The following SPAST variants were observed in gnomAD, a reference collection of about 807,000 sequenced individuals.
The protein encoded by SPAST is spastin.
A neutral mutation model predicts 76.6 loss-of-function variants in SPAST; 30 were observed. The ratio of observed to expected loss-of-function variants is 0.39; its 90% CI spans 0.29 to 0.53. The LOEUF (loss-of-function observed/expected upper bound fraction) is 0.53, where lower values mean the gene tolerates loss of function less well. Ranked by LOEUF, SPAST falls within the 20% of genes least tolerant of loss-of-function variation. The pLI, the probability that SPAST is intolerant of heterozygous loss-of-function variation, is 0.68. For missense variants in SPAST, 717 were observed against 770.5 expected, an observed-to-expected ratio of 0.93 and a Z score of 0.82; for synonymous variants, 305 against 281.0, an observed-to-expected ratio of 1.09 and a Z score of -0.86.
chr2:32,077,165 C>T (rs760511374), intron 1 of SPAST, among the ~76,000 whole-genome samples: 3 of 152,120 alleles, frequency 2.0e-5, no homozygotes, highest in Non-Finnish European at 2.9e-5. Context: ...TGAGCCACCG[C>T]GCCCGGCTTT....
In SPAST at chr2:32,127,117, G is replaced by A. The variant is rs545850956; in HGVS notation, c.1173+95G>A. 8.7e-5 allele frequency: 76 copies of A among 869,356 alleles called. No homozygotes were observed. The East Asian group carries it at 9.9e-4, about 11-fold the overall frequency. The allele number at this position is 869,356 out of a possible 1,614,324, so 53.9% of individuals were successfully genotyped here. On this transcript the variant is annotated intron_variant, in intron 8 of 16. Transcript: ENST00000315285. ...TCTTGTCCTTGAGTCTATTATTTAC[G>A]ACTTGCTTTTTGCTATTGTACACTT...
intron 15 of SPAST, among the ~76,000 whole-genome samples, chr2:32,147,016 C>A (rs928813892): frequency 6.6e-6 from 1 of 151,948 alleles, no homozygotes; most frequent in African/African-American, 2.4e-5. Flanking sequence ...TGAACACTTT[C>A]CAGTTATTCC....
intron 16 of SPAST, 131 bp from the exon 17 acceptor site, chr2:32,154,243 T>A: frequency 1.3e-6 from 1 of 755,462 alleles, no homozygotes; most frequent in Non-Finnish European, 2.2e-6. Flanking sequence ...GACATAATTT[T>A]CTAAGAATAC....
chr2:32,116,953 C>T (rs374711308), intron 7 of SPAST, among the ~76,000 whole-genome samples: 1 of 151,746 alleles, frequency 6.6e-6, no homozygotes, highest in Non-Finnish European at 1.5e-5. Flanking sequence ...GGTGACAGAG[C>T]GAGATGTCAT....
chr2:32,143,249 A>G, intron 13 of SPAST, 87 bp from the exon 14 acceptor site: 1 of 806,056 alleles, frequency 1.2e-6, no homozygotes. Context: ...CCTGGGTAAC[A>G]GCACAAGACC....
intron 7 of SPAST, among the ~76,000 whole-genome samples, chr2:32,121,310 G>A (rs1001176380): frequency 8.7e-5 from 13 of 149,956 alleles, no homozygotes; most frequent in Non-Finnish European, 1.3e-4. Flanking sequence ...CTGCCACCAC[G>A]CCCAGCTAAT....
chr2:32,105,640 G>A (rs915184913), intron 4 of SPAST, among the ~76,000 whole-genome samples: 4 of 152,094 alleles, frequency 2.6e-5, no homozygotes, highest in Non-Finnish European at 5.9e-5. Flanking sequence ...TGGGGTTTTG[G>A]TGTGGATGTC....
intron 4 of SPAST, among the ~76,000 whole-genome samples, chr2:32,099,692 A>C (rs1355292354): frequency 6.6e-6 from 1 of 152,104 alleles, no homozygotes; most frequent in African/African-American, 2.4e-5. Flanking sequence ...TCCTTCTAGC[A>C]TTTGAAATGA....
At chr2:32,071,681 C>G (rs989216556) in intron 1 of SPAST, among the ~76,000 whole-genome samples, 6 of 152,094 alleles carry the variant, frequency 3.9e-5, no homozygotes, top group African/African-American at 1.4e-4. Flanking sequence ...GCTTCCAGGT[C>G]GTAGGCAGAT....
intron 1 of SPAST, among the ~76,000 whole-genome samples, chr2:32,078,563 T>G (rs752507622): frequency 2.6e-5 from 4 of 152,144 alleles, no homozygotes; most frequent in Non-Finnish European, 5.9e-5. Context: ...AGTGAAAGGA[T>G]TGCTTGAGCC....
chr2:32,153,430 T>G (rs1015249152), intron 16 of SPAST, among the ~76,000 whole-genome samples: 9 of 151,536 alleles, frequency 5.9e-5, no homozygotes, highest in African/African-American at 2.2e-4. Context: ...TTCAAGCGAT[T>G]CTCCTGCCTC....
At position 32,156,713 on chromosome 2, in the gene SPAST, G is replaced by A. The variant is rs1680266219; in HGVS notation, c.*2217G>A. 6.6e-6 allele frequency: 1 copy of A among 152,080 alleles called. No individual in the cohort carries two copies. The highest frequency in any genetic ancestry group is 6.6e-5 in the Admixed American group (1 of 15,256). 9.4% of individuals were successfully genotyped at this position (152,080 alleles called of 1,614,324 possible). ...GGCTAATCATATTAAAGGACTATGT[G>A]GTTCCAGCTCAACTTTTAATATATT... On this transcript the variant is annotated 3_prime_UTR_variant, in exon 17 of 17. Coordinates refer to ENST00000315285, the MANE Select transcript of SPAST (RefSeq NM_014946.4).
At chr2:32,124,611 A>G (rs561513800) in intron 7 of SPAST, among the ~76,000 whole-genome samples, 3 of 152,332 alleles carry the variant, frequency 2.0e-5, no homozygotes, top group South Asian at 4.1e-4. Context: ...TAGCAGCATT[A>G]TTCATAGTTG....
chr2:32,088,420 G>A (rs1174861379), intron 2 of SPAST, among the ~76,000 whole-genome samples: 5 of 152,124 alleles, frequency 3.3e-5, no homozygotes, highest in African/African-American at 7.2e-5. Context: ...CGAGGTGGGC[G>A]AATCACCTGG....
chr2:32,106,332 G>A (rs1678318385), intron 4 of SPAST, among the ~76,000 whole-genome samples: 1 of 152,178 alleles, frequency 6.6e-6, no homozygotes, highest in Admixed American at 6.6e-5. Context: ...TAGGGTGGGA[G>A]TCTCCCTATT....
At chr2:32,096,807 A>G (rs1677933364) in intron 3 of SPAST, among the ~76,000 whole-genome samples, 2 of 152,010 alleles carry the variant, frequency 1.3e-5, no homozygotes, top group South Asian at 4.1e-4. Flanking sequence ...TACTGAGACA[A>G]AGGGTTTCTG....
chr2:32,111,280 C>T (rs1327298384), intron 4 of SPAST, among the ~76,000 whole-genome samples: 2 of 100,504 alleles, frequency 2.0e-5, no homozygotes, highest in Admixed American at 1.0e-4. Context: ...ATACAGTATA[C>T]TATATAGTGT....
At chr2:32,142,067 A>G (rs1204470941) in intron 13 of SPAST, 121 bp downstream of exon 13, 1 of 812,054 alleles carries the variant, frequency 1.2e-6, no homozygotes. Context: ...GTGGTTTCTT[A>G]AAAAGATGTA....
intron 16 of SPAST, among the ~76,000 whole-genome samples, chr2:32,150,901 A>C (rs1385680978): frequency 6.6e-6 from 1 of 151,796 alleles, no homozygotes; most frequent in African/African-American, 2.4e-5. Context: ...GCATCCCATT[A>C]ATTATATATA....
Sources: gnomAD v4.1 joint callset for allele counts (sites outside exome capture counted in the v4.1 genomes callset) on GRCh38, gnomAD v4.1.1 for gene constraint, MANE v1.5 for transcripts, NCBI Gene and HGNC (gene_info 2026-07-23, HGNC 2026-07-21) for gene names.